The following EHD2 variants were observed in gnomAD, a reference collection of about 807,000 sequenced individuals.
EHD2 encodes the protein EH domain-containing protein 2.
In EHD2, 27 loss-of-function variants were observed where a neutral mutation model predicts 41.0. The observed-to-expected ratio is 0.66, with a 90% CI of 0.49 to 0.91. EHD2 has a LOEUF of 0.91. Among genes scored for constraint, EHD2 ranks in the 40% least tolerant of loss-of-function variants. The pLI, the probability that EHD2 is intolerant of heterozygous loss-of-function variation, is 0.00. For missense variants in EHD2, 673 were observed against 773.9 expected, an observed-to-expected ratio of 0.87 and a Z score of 1.55; for synonymous variants, 342 against 341.0, an observed-to-expected ratio of 1.00 and a Z score of -0.03.
At position 47,741,543 on chromosome 19, in the gene EHD2, G is replaced by C; in HGVS notation, c.*111G>C. On this transcript the variant is annotated 3_prime_UTR_variant, in exon 6 of 6. Coordinates refer to ENST00000263277, the MANE Select transcript of EHD2 (RefSeq NM_014601.4). This position sits in a 1 kb window ranked among gnomAD's most constrained non-coding sequence, Gnocchi z 4.5. ...GCCTGCCCTCCCTGCCCAGCTGTAAGGACCGGGGGTCTCCCTCCTCACTAC... is the reference window on the plus strand; with the variant it reads ...GCCTGCCCTCCCTGCCCAGCTGTAACGACCGGGGGTCTCCCTCCTCACTAC... The C allele has an allele frequency of 8.6e-6, 11 of 1,277,110 alleles. No homozygotes were observed. In the South Asian group the frequency reaches 1.6e-4, roughly 18 times the overall value. 79.1% of individuals were successfully genotyped at this position (1,277,110 alleles called of 1,614,324 possible).
Position 47,741,263 on chromosome 19 carries a change from G to A in EHD2, c.1463G>A (p.Arg488His), listed in dbSNP as rs1966985647. The A allele has an allele frequency of 4.3e-6, 7 of 1,614,016 alleles. No individual in the cohort carries two copies. The highest frequency in any genetic ancestry group is 1.7e-5 in the Admixed American group (1 of 60,000). The change falls in exon 6 of 6, where the codon CGC (arginine) becomes CAC (histidine). Residue 488 changes from arginine to histidine, a missense_variant. Transcript: ENST00000263277. This position sits in a 1 kb window ranked among gnomAD's most constrained non-coding sequence, Gnocchi z 4.5. The stretch of plus-strand genomic sequence containing the variant: ...AAGCTCCCCAACTCAGTGCTGGGGC[G>A]CATCTGGAAGCTCAGCGATGTGGAC... Reference protein sequence around the residue: ...GTKLPNSVLGRIWKLSDVDRD... With the variant: ...GTKLPNSVLGHIWKLSDVDRD...
chr19:47,720,530 A>G (rs1463284687), intron 3 of EHD2, among the ~76,000 whole-genome samples: 1 of 151,774 alleles, frequency 6.6e-6, no homozygotes, highest in African/African-American at 2.4e-5. Flanking sequence ...ACTTTGTGGG[A>G]TAGTGTGCAA....
chr19:47,732,229 C>T (rs1966881941), intron 4 of EHD2: 1 of 152,192 alleles, frequency 6.6e-6, no homozygotes, highest in South Asian at 2.1e-4. Flanking sequence ...AAGTGATTCT[C>T]CTGCCTCAGC....
chr19:47,741,601 G>C lies in EHD2; in HGVS notation c.*169G>C. Reference sequence around the variant, plus strand: ...CACCCCGGTGGAAGCATTTAGAGGGGACCACGGGAGGGACAAGGCTTCTCT... The same window carrying C: ...CACCCCGGTGGAAGCATTTAGAGGGCACCACGGGAGGGACAAGGCTTCTCT... On this transcript the variant is annotated 3_prime_UTR_variant, in exon 6 of 6. Transcript: ENST00000263277. The surrounding 1 kb of genome is among the most constrained non-coding windows in gnomAD (Gnocchi z 4.5). The C allele has an allele frequency of 1.3e-6, 1 of 759,796 alleles. No homozygotes were observed. The highest frequency in any genetic ancestry group is 3.7e-4 in the Middle Eastern group (1 of 2,688). 47.1% of individuals were successfully genotyped at this position (759,796 alleles called of 1,614,324 possible). A position where few individuals can be genotyped will look rare whatever the true frequency, so the allele number is the denominator to read the frequency against.
At chr19:47,732,475 G>A (rs1966883144) in intron 4 of EHD2, among the ~76,000 whole-genome samples, 1 of 151,968 alleles carries the variant, frequency 6.6e-6, no homozygotes, top group Non-Finnish European at 1.5e-5. Context: ...CTGGAGTGCA[G>A]TGGCGACATC....
At chr19:47,728,347 G>A (rs974679021) in intron 4 of EHD2, among the ~76,000 whole-genome samples, 4 of 151,758 alleles carry the variant, frequency 2.6e-5, no homozygotes, top group African/African-American at 7.3e-5. Context: ...CCATCCACAA[G>A]GCTCACTCCC....
chr19:47,741,519 C>A lies in EHD2; in HGVS notation c.*87C>A. 7.2e-7 allele frequency: 1 copy of A among 1,385,034 alleles called. No homozygotes were observed. The allele number at this position is 1,385,034 out of a possible 1,614,324, so 85.8% of individuals were successfully genotyped here. A position where few individuals can be genotyped will look rare whatever the true frequency, so the allele number is the denominator to read the frequency against. Reference sequence around the variant, plus strand: ...CCTGCTCCGGCTCACACACGCCCTGCCTGCCCTCCCTGCCCAGCTGTAAGG... The same window carrying A: ...CCTGCTCCGGCTCACACACGCCCTGACTGCCCTCCCTGCCCAGCTGTAAGG... On this transcript the variant is annotated 3_prime_UTR_variant, in exon 6 of 6. Coordinates refer to ENST00000263277, the MANE Select transcript of EHD2 (RefSeq NM_014601.4). This position sits in a 1 kb window ranked among gnomAD's most constrained non-coding sequence, Gnocchi z 4.5.
In EHD2 at chr19:47,735,009, G is replaced by A. The variant is rs143176308; in HGVS notation, c.916-1360G>A. ...GGAGGTTGCAGTGAGACAAGGTTGC[G>A]CCACTGTCCTCCAGCCTGGGTGACA... On this transcript the variant is annotated intron_variant, in intron 4 of 5. Coordinates refer to ENST00000263277, the MANE Select transcript of EHD2 (RefSeq NM_014601.4). Among the ~76,000 whole-genome samples, 308 of 152,236 alleles carry A rather than the reference G, an allele frequency of 2.0e-3. 1 individual carries two copies. Among genetic ancestry groups the A allele is most frequent in the Non-Finnish European group, 3.6e-3 (243 of 68,010 alleles).
At chr19:47,726,589 C>T (rs73569526) in intron 4 of EHD2, among the ~76,000 whole-genome samples, 2,607 of 150,966 alleles carry the variant, frequency 0.017, 77 homozygotes, top group African/African-American at 0.059. Context: ...TCTTCCTCCC[C>T]TTCCTCCTTC....
chr19:47,722,588 G>A (rs1450285700), intron 3 of EHD2, among the ~76,000 whole-genome samples: 3 of 148,308 alleles, frequency 2.0e-5, no homozygotes, highest in Middle Eastern at 3.2e-3. Context: ...TTTTTGAGAC[G>A]GAGTTTCGCT....
At chr19:47,714,368 T>C (rs1463923663) in intron 1 of EHD2, among the ~76,000 whole-genome samples, 3 of 152,178 alleles carry the variant, frequency 2.0e-5, no homozygotes, top group Non-Finnish European at 2.9e-5. Flanking sequence ...TCACCAAAAG[T>C]TGATTCTTTG....
chr19:47,733,167 AGTGTTTTCT>A (rs1048306732), intron 4 of EHD2: 3 of 151,674 alleles, frequency 2.0e-5, no homozygotes, highest in African/African-American at 7.3e-5. Flanking sequence ...ATATTTCCTG[AGTGTTTTCT>A]GTACAGATTG....
In EHD2 at chr19:47,719,351, C is replaced by G. The variant is rs913095283; in HGVS notation, c.502+745C>G. Among the ~76,000 whole-genome samples the G allele has an allele frequency of 6.6e-6, 1 of 151,212 alleles. No individual in the cohort carries two copies. The highest frequency in any genetic ancestry group is 2.4e-5 in the African/African-American group (1 of 41,042). The stretch of plus-strand genomic sequence containing the variant: ...TCTGCGTCTGGGCCACAGATGGGGC[C>G]GAGAAGGGGATGGGAAGGGAATCTG... On this transcript the variant is annotated intron_variant, in intron 3 of 5. Coordinates refer to ENST00000263277, the MANE Select transcript of EHD2 (RefSeq NM_014601.4). This position sits in a 1 kb window ranked among gnomAD's most constrained non-coding sequence, Gnocchi z 4.1.
At chr19:47,716,068 CTTT>C (rs60295874) in intron 1 of EHD2, among the ~76,000 whole-genome samples, 10 of 100,004 alleles carry the variant, frequency 1.0e-4, no homozygotes, top group African/African-American at 2.2e-4. Flanking sequence ...TGTGCCTGGC[CTTT>C]TTTTTTTTTT....
chr19:47,738,594 G>A (rs1006218390), intron 5 of EHD2, among the ~76,000 whole-genome samples: 1 of 152,190 alleles, frequency 6.6e-6, no homozygotes, highest in Non-Finnish European at 1.5e-5. Flanking sequence ...GAGCCACTGC[G>A]CCCGGCCTGT....
In EHD2 at chr19:47,726,163, T is replaced by G. The variant is rs1386633865; in HGVS notation, c.854T>G (p.Leu285Arg). The change falls in exon 4 of 6, where the codon CTG becomes CGG. Residue 285 changes from leucine to arginine, a missense_variant. By Grantham distance (102) the Leu-to-Arg change is moderately radical (BLOSUM62 -2). Transcript: ENST00000263277. ...EQDLFRDIQG[L>R]PRHAALRKLN... is the part of the protein sequence containing the mutation. ...GACCTCTTCCGCGACATCCAGGGCC[T>G]GCCCCGGCACGCAGCCTTGCGCAAG... is the stretch of plus-strand genomic sequence containing the variant. 1.3e-6 allele frequency: 2 copies of G among 1,577,480 alleles called. No individual in the cohort carries two copies. Among genetic ancestry groups the G allele is most frequent in the African/African-American group, 2.7e-5 (2 of 74,116 alleles).
chr19:47,735,364 G>A (rs12462308), intron 4 of EHD2, among the ~76,000 whole-genome samples: 76,840 of 152,072 alleles, frequency 0.51, 22,036 homozygotes, highest in South Asian at 0.69. Context: ...GAGGAGCCCA[G>A]GGTGAGCCCC....
intron 4 of EHD2, among the ~76,000 whole-genome samples, chr19:47,727,070 G>C (rs961160830): frequency 6.6e-5 from 10 of 152,144 alleles, no homozygotes; most frequent in Admixed American, 6.6e-4. Context: ...AGGTTTCCAA[G>C]TTCATTGGTT....
intron 4 of EHD2, among the ~76,000 whole-genome samples, chr19:47,732,797 T>A (rs1966884707): frequency 6.6e-6 from 1 of 152,088 alleles, no homozygotes; most frequent in Admixed American, 6.6e-5. Context: ...ATTTATAAGA[T>A]TGTGGACCAG....
Sources: gnomAD v4.1 joint callset for allele counts (sites outside exome capture counted in the v4.1 genomes callset) on GRCh38, gnomAD v4.1.1 for gene constraint, Gnocchi (gnomAD v3.1) non-coding constraint, MANE v1.5 for transcripts, NCBI Gene and HGNC (gene_info 2026-07-23, HGNC 2026-07-21) for gene names.